Variants in BLNK observed in about 807,000 individuals in gnomAD.
BLNK encodes B-cell linker protein.
A neutral mutation model predicts 73.5 loss-of-function variants in BLNK; 29 were observed. The ratio of observed to expected loss-of-function variants is 0.39; its 90% CI spans 0.29 to 0.54. BLNK has a LOEUF of 0.54. Among genes scored for constraint, BLNK ranks in the 20% least tolerant of loss-of-function variants. The pLI is 0.61. For missense variants in BLNK, 460 were observed against 562.8 expected (o/e 0.82, Z 1.85); for synonymous variants, 176 against 200.8 (o/e 0.88, Z 1.04).
At chr10:96,195,127 G>C (rs1438019541) in intron 16 of BLNK, among the ~76,000 whole-genome samples, 3 of 152,120 alleles carry the variant, frequency 2.0e-5, no homozygotes, top group Non-Finnish European at 4.4e-5. Context: ...CATTTGGACG[G>C]CTACTATAAA....
At chr10:96,265,953 C>T (rs1843979010) in intron 1 of BLNK, among the ~76,000 whole-genome samples, 2 of 152,160 alleles carry the variant, frequency 1.3e-5, no homozygotes, top group South Asian at 4.1e-4. Context: ...GACAAAATTG[C>T]CCCTGATGGA....
chr10:96,193,288 C>A (rs1373581425), intron 16 of BLNK, among the ~76,000 whole-genome samples: 1 of 152,132 alleles, frequency 6.6e-6, no homozygotes, highest in Non-Finnish European at 1.5e-5. Context: ...AAACCAAATG[C>A]AGTTGAAAGT....
At chr10:96,253,859 CAA>C (rs782234797) in intron 1 of BLNK, among the ~76,000 whole-genome samples, 2 of 139,766 alleles carry the variant, frequency 1.4e-5, no homozygotes, top group Non-Finnish European at 1.6e-5. Flanking sequence ...ACTAAAAATA[CAA>C]AAAAAAAAAA....
chr10:96,229,227 A>G (rs1282453158), intron 4 of BLNK, among the ~76,000 whole-genome samples: 2 of 119,734 alleles, frequency 1.7e-5, no homozygotes, highest in African/African-American at 2.8e-5. Flanking sequence ...CCCTCCCCCC[A>G]CCTGCTGCCC....
At chr10:96,262,197 G>A (rs529601492) in intron 1 of BLNK, among the ~76,000 whole-genome samples, 8 of 152,274 alleles carry the variant, frequency 5.3e-5, no homozygotes, top group South Asian at 2.1e-4. Flanking sequence ...TGAGTCCTGC[G>A]TGGGTGCTAG....
chr10:96,261,956 A>G (rs72637515), intron 1 of BLNK, among the ~76,000 whole-genome samples: 10,943 of 152,250 alleles, frequency 0.072, 1,210 homozygotes, highest in East Asian at 0.54. Context: ...ATTTCACTCT[A>G]GGTACGAGCT....
At chr10:96,215,187 C>T (rs1461139032) in intron 8 of BLNK, 134 bp downstream of exon 8, 2 of 967,520 alleles carry the variant, frequency 2.1e-6, no homozygotes, top group Non-Finnish European at 3.2e-6. Flanking sequence ...CCAGACAGTG[C>T]ATGAGGATGA....
intron 13 of BLNK, 59 bp downstream of exon 13, chr10:96,203,998 G>T: frequency 6.8e-7 from 1 of 1,461,288 alleles, no homozygotes; most frequent in Non-Finnish European, 9.6e-7. Context: ...AGGCCTATCA[G>T]ACTCTAGGAT....
chr10:96,249,997 G>A (rs1554908682), intron 1 of BLNK, among the ~76,000 whole-genome samples: 1 of 152,194 alleles, frequency 6.6e-6, no homozygotes, highest in Non-Finnish European at 1.5e-5. Flanking sequence ...ATCTACGTAA[G>A]TGAGGTACCC....
chr10:96,252,479 T>C (rs1471733301), intron 1 of BLNK, among the ~76,000 whole-genome samples: 2 of 152,184 alleles, frequency 1.3e-5, no homozygotes, highest in African/African-American at 2.4e-5. Flanking sequence ...GTAAAGCAAA[T>C]ACCTGTTTGG....
chr10:96,232,431 C>G (rs2134049170), intron 3 of BLNK, among the ~76,000 whole-genome samples: 1 of 152,282 alleles, frequency 6.6e-6, no homozygotes, highest in African/African-American at 2.4e-5. Context: ...ACCCCTGCCA[C>G]AGCAGACCAC....
In BLNK at chr10:96,271,457, T is replaced by C; in HGVS notation, c.-59A>G. Reference sequence around the variant, plus strand: ...GTCCAGTGGTCACGTCAGCAGTTCCTGGCCCTCCTAGGGAGCAGCATGGTA... The same window carrying C: ...GTCCAGTGGTCACGTCAGCAGTTCCCGGCCCTCCTAGGGAGCAGCATGGTA... On this transcript the variant is annotated 5_prime_UTR_variant, in exon 1 of 17. Transcript: ENST00000224337. 6.4e-7 allele frequency: 1 copy of C among 1,570,642 alleles called. No individual in the cohort carries two copies. The highest frequency in any genetic ancestry group is 8.8e-7 in the Non-Finnish European group (1 of 1,140,650).
chr10:96,211,129 G>A (rs139031348), intron 8 of BLNK, among the ~76,000 whole-genome samples: 1 of 152,268 alleles, frequency 6.6e-6, no homozygotes, highest in Admixed American at 6.5e-5. Context: ...CTCCCAAAGT[G>A]CTGGGATTAC....
intron 15 of BLNK, among the ~76,000 whole-genome samples, chr10:96,197,831 G>T (rs369068339): frequency 6.6e-6 from 1 of 151,444 alleles, no homozygotes; most frequent in South Asian, 2.1e-4. Flanking sequence ...CAGAAGAATG[G>T]CGTGAACCCA....
chr10:96,248,546 G>A (rs961862426), intron 1 of BLNK, among the ~76,000 whole-genome samples: 33 of 152,170 alleles, frequency 2.2e-4, no homozygotes, highest in African/African-American at 7.0e-4. Context: ...GATTTAAAAC[G>A]TCCATGACTT....
chr10:96,211,199 A>G (rs1191653281), intron 8 of BLNK, among the ~76,000 whole-genome samples: 4 of 152,156 alleles, frequency 2.6e-5, no homozygotes, highest in African/African-American at 9.7e-5. Context: ...CATACTCTGT[A>G]AGTACAGGCT....
At chr10:96,229,250 T>A (rs587689236) in intron 4 of BLNK, among the ~76,000 whole-genome samples, 17 of 129,922 alleles carry the variant, frequency 1.3e-4, no homozygotes, top group African/African-American at 4.5e-4. Flanking sequence ...TCGACCACCC[T>A]TCCCAGCCTC....
intron 2 of BLNK, among the ~76,000 whole-genome samples, chr10:96,244,878 G>A (rs193178769): frequency 6.6e-6 from 1 of 152,176 alleles, no homozygotes; most frequent in Admixed American, 6.5e-5. Flanking sequence ...ATTGAGAACT[G>A]GTGTATTGTA....
intron 6 of BLNK, among the ~76,000 whole-genome samples, chr10:96,217,152 G>A (rs753535241): frequency 1.1e-4 from 17 of 152,032 alleles, no homozygotes; most frequent in Non-Finnish European, 1.8e-4. Flanking sequence ...CACAACTCCC[G>A]TCTTTTTATG....
Sources: gnomAD v4.1 joint callset for allele counts (sites outside exome capture counted in the v4.1 genomes callset) on GRCh38, gnomAD v4.1.1 for gene constraint, MANE v1.5 for transcripts, NCBI Gene and HGNC (gene_info 2026-07-23, HGNC 2026-07-21) for gene names.